Variants in CHST11 observed in about 807,000 individuals in gnomAD.
The protein encoded by CHST11 is carbohydrate sulfotransferase 11.
A neutral mutation model predicts 30.4 loss-of-function variants in CHST11; 9 were observed. The ratio of observed to expected loss-of-function variants is 0.30; its 90% CI spans 0.18 to 0.52. The LOEUF is 0.52. Among genes scored for constraint, CHST11 ranks in the 20% least tolerant of loss-of-function variants. The pLI, the probability that CHST11 is intolerant of heterozygous loss-of-function variation, is 0.97. For synonymous variants in CHST11, 152 were observed against 187.8 expected, an observed-to-expected ratio of 0.81 and a Z score of 1.56; for missense variants, 348 against 460.6, an observed-to-expected ratio of 0.76 and a Z score of 2.24.
chr12:104,579,649 TGGATGCGC>T (rs2038719795), intron 1 of CHST11, among the ~76,000 whole-genome samples: 1 of 152,228 alleles, frequency 6.6e-6, no homozygotes, highest in South Asian at 2.1e-4. Context: ...TGTCAATGTG[TGGATGCGC>T]CGCCCCTCTC....
chr12:104,461,251 GAGA>G (rs1382689960), intron 1 of CHST11, among the ~76,000 whole-genome samples: 1 of 152,158 alleles, frequency 6.6e-6, no homozygotes, highest in Non-Finnish European at 1.5e-5. Flanking sequence ...CTGGATTCTG[GAGA>G]AGGTTGGTCT....
chr12:104,656,515 T>C (rs1042392683), intron 2 of CHST11, among the ~76,000 whole-genome samples: 1 of 152,148 alleles, frequency 6.6e-6, no homozygotes, highest in Admixed American at 6.5e-5. Flanking sequence ...TCTCGTGTCA[T>C]CTCCTATGAA....
At chr12:104,736,787 G>A (rs1414715958) in intron 2 of CHST11, among the ~76,000 whole-genome samples, 1 of 152,172 alleles carries the variant, frequency 6.6e-6, no homozygotes, top group Non-Finnish European at 1.5e-5. Flanking sequence ...AGACTGCTTC[G>A]AGTCCCTTTC....
chr12:104,719,400 AG>A (rs1354537564), intron 2 of CHST11, among the ~76,000 whole-genome samples: 2 of 152,102 alleles, frequency 1.3e-5, no homozygotes, highest in Non-Finnish European at 2.9e-5. Flanking sequence ...TGAGATCCGA[AG>A]TTCTGGAAGT....
In CHST11 at chr12:104,663,214, C is replaced by A. The variant is rs116249928; in HGVS notation, c.204+61223C>A. On this transcript the variant is annotated intron_variant, in intron 2 of 2. Transcript: ENST00000303694. ...AACCTACTCCATCCTCACCTCCGTG[C>A]GACTTCCATCTCGTGACGTTCTACT... is the stretch of plus-strand genomic sequence containing the variant. 4.9e-3 allele frequency among the ~76,000 whole-genome samples: 751 copies of A among 152,346 alleles called. 5 individuals carry two copies. The highest frequency in any genetic ancestry group is 0.02 in the Middle Eastern group (6 of 294).
At chr12:104,745,648 T>A (rs1210089397) in intron 2 of CHST11, among the ~76,000 whole-genome samples, 5 of 152,210 alleles carry the variant, frequency 3.3e-5, no homozygotes, top group Admixed American at 3.3e-4. Context: ...CATAGAGATC[T>A]TTCACCTCCC....
At chr12:104,517,251 C>T (rs1023470497) in intron 1 of CHST11, among the ~76,000 whole-genome samples, 4 of 152,192 alleles carry the variant, frequency 2.6e-5, no homozygotes, top group African/African-American at 4.8e-5. Context: ...CAAAGTTCAG[C>T]GCCTGGGCTC....
At chr12:104,511,700 C>A (rs2037967491) in intron 1 of CHST11, among the ~76,000 whole-genome samples, 1 of 152,200 alleles carries the variant, frequency 6.6e-6, no homozygotes, top group South Asian at 2.1e-4. Flanking sequence ...AGTGAATTAT[C>A]TATCCTTGCA....
chr12:104,589,847 G>A (rs781358892), intron 1 of CHST11, among the ~76,000 whole-genome samples: 4 of 151,848 alleles, frequency 2.6e-5, no homozygotes, highest in Non-Finnish European at 2.9e-5. Flanking sequence ...CCGTCTCTAC[G>A]AAAATACAAA....
intron 1 of CHST11, among the ~76,000 whole-genome samples, chr12:104,601,681 T>C (rs3812796): frequency 0.77 from 117,436 of 152,178 alleles, 46,026 homozygotes; most frequent in East Asian, 0.9. Flanking sequence ...GGGAGACTTT[T>C]TAGCATGATC....
intron 2 of CHST11, among the ~76,000 whole-genome samples, chr12:104,681,500 G>T (rs529807981): frequency 2.0e-5 from 3 of 152,268 alleles, no homozygotes; most frequent in Non-Finnish European, 4.4e-5. Context: ...AGCGATGATT[G>T]CACAACTCTG....
chr12:104,678,058 C>G (rs2039759555), intron 2 of CHST11, among the ~76,000 whole-genome samples: 1 of 152,200 alleles, frequency 6.6e-6, no homozygotes. Flanking sequence ...CTTGCATTGC[C>G]TTGTTTTATT....
At chr12:104,593,171 G>A (rs2038877051) in intron 1 of CHST11, among the ~76,000 whole-genome samples, 4 of 152,150 alleles carry the variant, frequency 2.6e-5, no homozygotes, top group Admixed American at 2.6e-4. Context: ...CTACAGGCTG[G>A]GCGTCGGGAG....
At chr12:104,523,374 A>T (rs2038091677) in intron 1 of CHST11, among the ~76,000 whole-genome samples, 1 of 152,214 alleles carries the variant, frequency 6.6e-6, no homozygotes. Context: ...CTTAAATCCC[A>T]TCTGGAAGTG....
intron 1 of CHST11, among the ~76,000 whole-genome samples, chr12:104,561,207 C>G (rs2038510728): frequency 6.6e-6 from 1 of 152,312 alleles, no homozygotes; most frequent in Admixed American, 6.5e-5. Flanking sequence ...GATGGGAGTT[C>G]ATCTCTCACT....
At chr12:104,607,367 G>C (rs932157896) in intron 2 of CHST11, among the ~76,000 whole-genome samples, 1 of 152,196 alleles carries the variant, frequency 6.6e-6, no homozygotes, top group Non-Finnish European at 1.5e-5. Context: ...TTTCAGCAAT[G>C]CTTGACAAAA....
chr12:104,590,921 T>TA (rs879619495), intron 1 of CHST11, among the ~76,000 whole-genome samples: 122 of 143,774 alleles, frequency 8.5e-4, no homozygotes, highest in East Asian at 2.2e-3. Context: ...GACCCTGTCT[T>TA]AAAAAAAAAA....
intron 2 of CHST11, among the ~76,000 whole-genome samples, chr12:104,678,345 A>G (rs1175123809): frequency 1.3e-5 from 2 of 152,232 alleles, no homozygotes; most frequent in African/African-American, 4.8e-5. Context: ...TGGAACTTCT[A>G]GGGGAACAGG....
intron 2 of CHST11, among the ~76,000 whole-genome samples, chr12:104,682,989 G>A (rs1197391463): frequency 1.3e-5 from 2 of 152,164 alleles, no homozygotes; most frequent in African/African-American, 2.4e-5. Flanking sequence ...TTATCTTCAC[G>A]GGAGTGTTAT....
Sources: gnomAD v4.1 joint callset for allele counts (sites outside exome capture counted in the v4.1 genomes callset) on GRCh38, gnomAD v4.1.1 for gene constraint, MANE v1.5 for transcripts, NCBI Gene and HGNC (gene_info 2026-07-23, HGNC 2026-07-21) for gene names.